MPRIP: variants seen among roughly 807,000 people sequenced by gnomAD.
MPRIP encodes the protein myosin phosphatase Rho interacting protein, also known as myosin phosphatase Rho-interacting protein.
A neutral mutation model predicts 234.9 loss-of-function variants in MPRIP; 59 were observed. The ratio of observed to expected loss-of-function variants is 0.25; its 90% confidence interval spans 0.20 to 0.31. MPRIP has a LOEUF of 0.31. Among genes scored for constraint, MPRIP ranks in the 10% least tolerant of loss-of-function variants. The pLI, the probability that MPRIP is intolerant of heterozygous loss-of-function variation, is 1.00. For synonymous variants in MPRIP, 1,144 were observed against 1,263.9 expected, an observed-to-expected ratio of 0.91 and a Z score of 2.01; for missense variants, 2,436 against 3,071.0, an observed-to-expected ratio of 0.79 and a Z score of 4.89.
intron 22 of MPRIP, chr17:17,178,391 T>C (rs766397045): frequency 2.0e-5 from 3 of 152,186 alleles, no homozygotes; most frequent in Non-Finnish European, 4.4e-5. Flanking sequence ...GAAGACTTCA[T>C]TTTTCCATAA....
At chr17:17,184,676 C>G (rs1363709372) in intron 23 of MPRIP, 147 bp from the exon 24 acceptor site, 1 of 554,654 alleles carries the variant, frequency 1.8e-6, no homozygotes, top group Non-Finnish European at 3.4e-6. Context: ...CCCGGGGACT[C>G]TCCTCCTGGC....
chr17:17,066,749 TTTTTTTTTTTTTTTTTTTTTG>T (rs1401195522), intron 1 of MPRIP, among the ~76,000 whole-genome samples: 5 of 96,930 alleles, frequency 5.2e-5, no homozygotes, highest in African/African-American at 2.5e-4. Flanking sequence ...TTTTTTTTTT[TTTTTTTTTTTTTTTTTTTTTG>T]AGACAGTGTC....
At chr17:17,156,534 C>T (rs1437543852) in intron 13 of MPRIP, among the ~76,000 whole-genome samples, 1 of 152,252 alleles carries the variant, frequency 6.6e-6, no homozygotes, top group African/African-American at 2.4e-5. Flanking sequence ...GTCTCAGAAG[C>T]TGCTGTCCTC....
chr17:17,135,951 A>G, intron 5 of MPRIP, among the ~76,000 whole-genome samples: 1 of 152,204 alleles, frequency 6.6e-6, no homozygotes, highest in Middle Eastern at 3.2e-3. Context: ...GTAAGGAGCT[A>G]CAGATGATGC....
chr17:17,101,265 C>G (rs144179202), intron 3 of MPRIP, among the ~76,000 whole-genome samples: 2 of 152,130 alleles, frequency 1.3e-5, no homozygotes, highest in Non-Finnish European at 2.9e-5. Context: ...ATGTTATATC[C>G]GGATATTAAG....
intron 13 of MPRIP, among the ~76,000 whole-genome samples, chr17:17,156,465 A>C (rs1279244644): frequency 6.6e-6 from 1 of 152,198 alleles, no homozygotes; most frequent in Non-Finnish European, 1.5e-5. Context: ...TTTGAGGAAA[A>C]ATGTGAGTTT....
intron 3 of MPRIP, among the ~76,000 whole-genome samples, chr17:17,101,128 C>T (rs2089951772): frequency 6.6e-6 from 1 of 152,202 alleles, no homozygotes; most frequent in Non-Finnish European, 1.5e-5. Context: ...TCTGCCATGT[C>T]CTGCTATGCT....
intron 3 of MPRIP, among the ~76,000 whole-genome samples, chr17:17,091,459 T>C (rs943662222): frequency 6.6e-6 from 1 of 152,100 alleles, no homozygotes; most frequent in Admixed American, 6.5e-5. Context: ...ACAGGGCAGT[T>C]GTCAGCGAGC....
rs2089387911 is a variant in MPRIP at position 17,078,514 on chromosome 17, G to A, written c.267+438G>A. On this transcript the variant is annotated intron_variant, in intron 3 of 23. Transcript: ENST00000651222. This position sits in a 1 kb window ranked among gnomAD's most constrained non-coding sequence, Gnocchi z 4.3. ...CAATTCTGCGACTGTAATTGGTTTT[G>A]CTTGTCTCATTTGAGCTTGGCTTAG... 6.6e-6 allele frequency among the ~76,000 whole-genome samples: 1 copy of A among 152,210 alleles called. No homozygotes were observed. Among genetic ancestry groups the A allele is most frequent in the African/African-American group, 2.4e-5 (1 of 41,454 alleles).
intron 7 of MPRIP, among the ~76,000 whole-genome samples, chr17:17,140,855 G>T (rs2090799502): frequency 6.6e-6 from 1 of 152,168 alleles, no homozygotes; most frequent in Non-Finnish European, 1.5e-5. Flanking sequence ...CCTGCCCTCA[G>T]CACAGCGGTT....
In MPRIP at chr17:17,185,518, C is replaced by G. The variant is rs569470978; in HGVS notation, c.*624C>G. 39 of 457,302 alleles carry G rather than the reference C, an allele frequency of 8.5e-5. No individual in the cohort carries two copies. The highest frequency in any genetic ancestry group is 6.0e-4 in the South Asian group (39 of 64,562). The allele number at this position is 457,302 out of a possible 1,614,324, so 28.3% of individuals were successfully genotyped here. Reference sequence around the variant, plus strand: ...ACAACCTGGAAAATGTTGAAAGCAACCATTCCTATTTTTGTTTGTTTTTTA... The same window carrying G: ...ACAACCTGGAAAATGTTGAAAGCAAGCATTCCTATTTTTGTTTGTTTTTTA... On this transcript the variant is annotated 3_prime_UTR_variant, in exon 24 of 24. Transcript: ENST00000651222.
chr17:17,180,117 G>A, intron 23 of MPRIP, 29 bp downstream of exon 23: 4 of 1,508,068 alleles, frequency 2.7e-6, no homozygotes, highest in South Asian at 1.2e-5. Flanking sequence ...CCCCTGGTGG[G>A]AGGGGCTTGA....
At chr17:17,140,272 G>A (rs942208906) in intron 7 of MPRIP, among the ~76,000 whole-genome samples, 1 of 152,134 alleles carries the variant, frequency 6.6e-6, no homozygotes, top group African/African-American at 2.4e-5. Context: ...TCTTCTCGGA[G>A]AGACTCCTTT....
intron 1 of MPRIP, among the ~76,000 whole-genome samples, chr17:17,074,721 G>A (rs1047169736): frequency 6.6e-6 from 1 of 152,170 alleles, no homozygotes; most frequent in South Asian, 2.1e-4. Flanking sequence ...ATTTGCATAA[G>A]TGGAATTCTG....
intron 1 of MPRIP, among the ~76,000 whole-genome samples, chr17:17,052,000 T>C (rs548573788): frequency 6.6e-6 from 1 of 152,338 alleles, no homozygotes; most frequent in Non-Finnish European, 1.5e-5. Flanking sequence ...ACCTACTATA[T>C]TGTGTCATAG....
chr17:17,077,777 C>G, intron 2 of MPRIP: 25 of 376,502 alleles, frequency 6.6e-5, no homozygotes, highest in East Asian at 1.4e-4. Flanking sequence ...AAAAAGACTT[C>G]TTATTAAGCC....
intron 12 of MPRIP, among the ~76,000 whole-genome samples, 177 bp from the exon 13 acceptor site, chr17:17,154,129 G>A (rs2045672477): frequency 6.6e-6 from 1 of 152,156 alleles, no homozygotes; most frequent in African/African-American, 2.4e-5. Flanking sequence ...GACGTCTCCT[G>A]CTCTCCAGCT....
intron 18 of MPRIP, chr17:17,173,677 A>G: frequency 1.5e-6 from 1 of 664,894 alleles, no homozygotes; most frequent in East Asian, 2.8e-5. Flanking sequence ...CTCTGTCCTG[A>G]CTGGCATCCC....
intron 1 of MPRIP, among the ~76,000 whole-genome samples, chr17:17,050,269 T>G (rs1161031845): frequency 4.4e-4 from 63 of 144,162 alleles, no homozygotes; most frequent in African/African-American, 1.6e-3. Flanking sequence ...GAGCTGAGAT[T>G]GCGCCACTGC....
Sources: allele counts gnomAD v4.1 joint callset (sites outside exome capture counted in the v4.1 genomes callset), GRCh38; gene constraint gnomAD v4.1.1; non-coding constraint Gnocchi (gnomAD v3.1); transcripts MANE v1.5; gene names NCBI Gene and HGNC (gene_info 2026-07-23, HGNC 2026-07-21).